DHX15: variants seen among roughly 807,000 people sequenced by gnomAD.
The protein encoded by DHX15 is ATP-dependent RNA helicase DHX15.
DHX15 carries 11 observed loss-of-function variants against 94.4 expected under a neutral mutation model. The ratio of observed to expected loss-of-function variants is 0.12; its 90% CI spans 0.07 to 0.19. The LOEUF (loss-of-function observed/expected upper bound fraction) is 0.19. DHX15 is among the 10% of genes least tolerant of loss of function. The pLI is 1.00. For synonymous variants in DHX15, 338 were observed against 329.9 expected (o/e 1.02, Z -0.27); for missense variants, 304 against 988.5 (o/e 0.31, Z 9.29).
chr4:24,582,300 T>C (rs1722433683), intron 1 of DHX15, among the ~76,000 whole-genome samples: 1 of 152,166 alleles, frequency 6.6e-6, no homozygotes, highest in South Asian at 2.1e-4. Context: ...ATAGGCAAAT[T>C]CTAAATAATA....
intron 11 of DHX15, among the ~76,000 whole-genome samples, chr4:24,534,956 CT>C (rs35732046): frequency 1.4e-3 from 203 of 143,162 alleles, no homozygotes; most frequent in African/African-American, 4.0e-3. Flanking sequence ...AAGTTTTTTG[CT>C]TTTTTTTTTT....
At chr4:24,583,274 CTTAAA>C (rs1344121659) in intron 1 of DHX15, among the ~76,000 whole-genome samples, 2 of 152,096 alleles carry the variant, frequency 1.3e-5, no homozygotes, top group Non-Finnish European at 2.9e-5. Flanking sequence ...CACGAAATTG[CTTAAA>C]TTAACTGCTA....
chr4:24,569,591 CAAAAAAAAAA>C (rs60075617), intron 3 of DHX15, among the ~76,000 whole-genome samples: 4,764 of 68,950 alleles, frequency 0.069, 285 homozygotes, highest in African/African-American at 0.21. Context: ...GACTCCATCT[CAAAAAAAAAA>C]AAAAAAAAAA....
At chr4:24,561,831 A>G (rs1414983029) in intron 3 of DHX15, among the ~76,000 whole-genome samples, 1 of 152,140 alleles carries the variant, frequency 6.6e-6, no homozygotes, top group Non-Finnish European at 1.5e-5. Context: ...TCAGGTAACT[A>G]TGCTTATTAC....
chr4:24,533,116 T>G, intron 11 of DHX15, 62 bp from the exon 12 acceptor site: 1 of 1,374,788 alleles, frequency 7.3e-7, no homozygotes, highest in East Asian at 2.3e-5. Context: ...AGGAATGTTC[T>G]CTAATTAAAA....
At chr4:24,548,710 T>A in intron 6 of DHX15, 145 bp downstream of exon 6, 1 of 743,520 alleles carries the variant, frequency 1.3e-6, no homozygotes, top group Non-Finnish European at 2.0e-6. Flanking sequence ...TCAAGAGATA[T>A]GCGGAACCCT....
In DHX15 at chr4:24,537,348, C is replaced by T. The variant is rs1272627230; in HGVS notation, c.1787-175G>A. 4 of 661,378 alleles carry T rather than the reference C, an allele frequency of 6.0e-6. No individual in the cohort carries two copies. The Admixed American group carries it at 1.0e-4, about 17-fold the overall frequency. The allele number at this position is 661,378 out of a possible 1,614,324, so 41.0% of individuals were successfully genotyped here. A position where few individuals can be genotyped will look rare whatever the true frequency, so the allele number is the denominator to read the frequency against. On this transcript the variant is annotated intron_variant, in intron 10 of 13. Coordinates refer to ENST00000336812, the MANE Select transcript of DHX15 (RefSeq NM_001358.3). The surrounding 1 kb of genome is among the most constrained non-coding windows in gnomAD (Gnocchi z 4.7). ...TTGATTTGGTACATCAACACCTAAC[C>T]ACATCTGTAAGACAAGAGGGTTTCA...
At chr4:24,543,289 C>G (rs1447049154) in intron 6 of DHX15, among the ~76,000 whole-genome samples, 2 of 152,136 alleles carry the variant, frequency 1.3e-5, no homozygotes, top group African/African-American at 4.8e-5. Flanking sequence ...TTACATTTTG[C>G]TTAATCAAAT....
rs572149243 is a variant in DHX15, at chr4:24,561,361, G to A, written c.702-4951C>T. On this transcript the variant is annotated intron_variant, in intron 3 of 13. Coordinates refer to ENST00000336812, the MANE Select transcript of DHX15 (RefSeq NM_001358.3). ...AAGGGAATGCTTATCCACTGCTGGT[G>A]GGATTGTATTAGTTCAGCCATTGTG... Among the ~76,000 whole-genome samples, 3 of 152,280 alleles carry A rather than the reference G, an allele frequency of 2.0e-5. No individual in the cohort carries two copies. The South Asian group carries it at 6.2e-4, about 32-fold the overall frequency.
At chr4:24,556,592 T>C (rs1056959260) in intron 3 of DHX15, among the ~76,000 whole-genome samples, 182 bp from the exon 4 acceptor site, 1 of 152,180 alleles carries the variant, frequency 6.6e-6, no homozygotes, top group Non-Finnish European at 1.5e-5. Flanking sequence ...TTTAAGAGTA[T>C]ACAATGAAAC....
chr4:24,566,725 G>A (rs976923721), intron 3 of DHX15, among the ~76,000 whole-genome samples: 4 of 152,074 alleles, frequency 2.6e-5, no homozygotes, highest in East Asian at 1.9e-4. Context: ...ACTCGGGAGG[G>A]TGAGGCATGA....
intron 2 of DHX15, 116 bp from the exon 3 acceptor site, chr4:24,570,963 G>A: frequency 2.0e-6 from 2 of 1,015,630 alleles, no homozygotes; most frequent in South Asian, 3.3e-5. Flanking sequence ...TTAGGCAAAT[G>A]ACTATAAGAC....
rs760996581 is a variant in DHX15, at chr4:24,529,753, T to C, written c.2118A>G (p.Arg706=). 1 of 1,614,220 alleles carries C rather than the reference T, an allele frequency of 6.2e-7. No individual in the cohort carries two copies. The highest frequency in any genetic ancestry group is 1.3e-5 in the African/African-American group (1 of 75,068). The part of the protein sequence containing the change: ...GYFMQVAHLE[R]TGHYLTVKDN... Reference sequence around the variant, plus strand: ...CTTTCACAGTTAAGTAATGCCCTGTTCGTTCTAAATGTGCCACCTGAAACC... The same window carrying C: ...CTTTCACAGTTAAGTAATGCCCTGTCCGTTCTAAATGTGCCACCTGAAACC... Residue 706 remains arginine (R), a synonymous_variant, in exon 13 of 14, where the codon CGA becomes CGG. Transcript: ENST00000336812.
intron 3 of DHX15, chr4:24,563,288 A>T (rs1362674371): frequency 6.6e-6 from 1 of 152,098 alleles, no homozygotes; most frequent in African/African-American, 2.4e-5. Flanking sequence ...CTCATTTTCC[A>T]ACCTGGGCCG....
In DHX15 at chr4:24,528,404, C is replaced by A. The variant is rs554633144; in HGVS notation, c.2271-363G>T. 1.3e-4 allele frequency among the ~76,000 whole-genome samples: 20 copies of A among 152,264 alleles called. No individual in the cohort carries two copies. In the South Asian group the frequency reaches 4.1e-3, roughly 32 times the overall value. ...ATAACAGGTTCTGTGTAGGAAACATCGTGGTATTCAAATGATTGGATCTTT... is the reference window on the plus strand; with the variant it reads ...ATAACAGGTTCTGTGTAGGAAACATAGTGGTATTCAAATGATTGGATCTTT... On this transcript the variant is annotated intron_variant, in intron 13 of 13. Coordinates refer to ENST00000336812, the MANE Select transcript of DHX15 (RefSeq NM_001358.3).
intron 6 of DHX15, among the ~76,000 whole-genome samples, chr4:24,547,920 T>TCTATATATCTATATAG (rs1560765797): frequency 3.8e-5 from 2 of 52,770 alleles, no homozygotes; most frequent in African/African-American, 1.7e-4. Flanking sequence ...TATATATATA[T>TCTATATATCTATATAG]ATATATATAT....
chr4:24,562,324 T>C (rs16875770), intron 3 of DHX15, among the ~76,000 whole-genome samples: 2,902 of 152,198 alleles, frequency 0.019, 83 homozygotes, highest in African/African-American at 0.066. Context: ...GTTCTCCATA[T>C]TACCTAGGAA....
chr4:24,572,111 T>C (rs1375138632), intron 2 of DHX15, among the ~76,000 whole-genome samples: 3 of 152,182 alleles, frequency 2.0e-5, no homozygotes, highest in Admixed American at 1.3e-4. Flanking sequence ...TAATTCAAAA[T>C]TCTCAAGGCA....
At chr4:24,561,778 G>C (rs61793308) in intron 3 of DHX15, among the ~76,000 whole-genome samples, 53,794 of 151,888 alleles carry the variant, frequency 0.35, 9,802 homozygotes, top group South Asian at 0.48. Context: ...ACAAACCAGA[G>C]GATGGAGGGT....
Sources: allele counts gnomAD v4.1 joint callset (sites outside exome capture counted in the v4.1 genomes callset), GRCh38; gene constraint gnomAD v4.1.1; non-coding constraint Gnocchi (gnomAD v3.1); transcripts MANE v1.5; gene names NCBI Gene and HGNC (gene_info 2026-07-23, HGNC 2026-07-21).